The following AKAP7 variants were observed in gnomAD, a reference collection of about 807,000 sequenced individuals.
AKAP7 encodes the protein A-kinase anchoring protein 7, also known as A kinase (PRKA) anchor protein 7.
A neutral mutation model predicts 39.5 loss-of-function variants in AKAP7; 39 were observed. That is an observed-to-expected ratio of 0.99 (90% CI 0.76 to 1.29). The LOEUF is 1.29. AKAP7 is among the 50% of genes most tolerant of loss of function. The pLI is 0.00. For missense variants in AKAP7, 414 were observed against 407.7 expected, an observed-to-expected ratio of 1.02 and a Z score of -0.13; for synonymous variants, 140 against 139.1, an observed-to-expected ratio of 1.01 and a Z score of -0.05.
intron 7 of AKAP7, among the ~76,000 whole-genome samples, chr6:131,278,169 A>G (rs898047687): frequency 2.0e-5 from 3 of 152,222 alleles, no homozygotes; most frequent in African/African-American, 4.8e-5. Flanking sequence ...TTGGTGTCCT[A>G]TGTTAGCAGA....
intron 7 of AKAP7, among the ~76,000 whole-genome samples, chr6:131,263,762 A>G (rs1481369677): frequency 6.6e-6 from 1 of 152,132 alleles, no homozygotes; most frequent in Non-Finnish European, 1.5e-5. Flanking sequence ...AGAAGGGTGA[A>G]GGGTAGGTGA....
intron 6 of AKAP7, among the ~76,000 whole-genome samples, chr6:131,211,462 C>T (rs945277882): frequency 4.6e-5 from 7 of 152,066 alleles, no homozygotes; most frequent in Non-Finnish European, 1.5e-5. Context: ...ACTCTGAGTG[C>T]ATTAGGAAAT....
chr6:131,265,847 C>T (rs140101319), intron 7 of AKAP7, among the ~76,000 whole-genome samples: 1,945 of 152,262 alleles, frequency 0.013, 32 homozygotes, highest in Non-Finnish European at 0.019. Context: ...AGCTTTTTGA[C>T]TTCAATGTGT....
chr6:131,138,592 C>A lies in AKAP7; in HGVS notation c.19+2810C>A, dbSNP rs139973937. 7.9e-5 allele frequency among the ~76,000 whole-genome samples: 12 copies of A among 152,290 alleles called. No homozygotes were observed. The East Asian group carries it at 1.9e-3, about 24-fold the overall frequency. ...GATTGCTTTCTGAAAGGATTGCCTC[C>A]GTTTACATTGCTATAGTCAGTGTAT... On this transcript the variant is annotated intron_variant, in intron 1 of 7. Transcript: ENST00000431975.
chr6:131,181,906 T>G (rs1805293522), intron 5 of AKAP7, among the ~76,000 whole-genome samples: 1 of 151,998 alleles, frequency 6.6e-6, no homozygotes, highest in African/African-American at 2.4e-5. Flanking sequence ...GGTAGATCAC[T>G]TGAGGTTAGG....
intron 2 of AKAP7, among the ~76,000 whole-genome samples, chr6:131,157,145 CTAA>C (rs1802494265): frequency 6.6e-6 from 1 of 152,154 alleles, no homozygotes; most frequent in Admixed American, 6.5e-5. Context: ...TGAGTATTAT[CTAA>C]TAATTATAAT....
chr6:131,163,918 A>G (rs1419314122), intron 3 of AKAP7, among the ~76,000 whole-genome samples: 1 of 151,966 alleles, frequency 6.6e-6, no homozygotes, highest in Non-Finnish European at 1.5e-5. Context: ...CTACAAGGAC[A>G]GAGAGAGAAG....
chr6:131,184,229 T>G, intron 5 of AKAP7: 1 of 417,116 alleles, frequency 2.4e-6, no homozygotes, highest in Non-Finnish European at 4.6e-6. Context: ...TCTGGACTTG[T>G]GAAGGAGAGG....
chr6:131,188,306 C>T (rs1237556669), intron 5 of AKAP7, among the ~76,000 whole-genome samples: 1 of 152,086 alleles, frequency 6.6e-6, no homozygotes, highest in East Asian at 1.9e-4. Flanking sequence ...TACAGGAATG[C>T]TTTAAATGTT....
chr6:131,153,547 A>G (rs1282567441), intron 2 of AKAP7, among the ~76,000 whole-genome samples: 2 of 151,412 alleles, frequency 1.3e-5, no homozygotes, highest in Admixed American at 6.6e-5. Context: ...TTTTTTTTGC[A>G]AAATGGATTT....
At chr6:131,263,371 A>G (rs1246356760) in intron 7 of AKAP7, among the ~76,000 whole-genome samples, 1 of 152,110 alleles carries the variant, frequency 6.6e-6, no homozygotes, top group African/African-American at 2.4e-5. Flanking sequence ...GACTTCCAGC[A>G]TTTCTGGAGA....
At chr6:131,205,967 G>A (rs1033108061) in intron 6 of AKAP7, among the ~76,000 whole-genome samples, 5 of 152,112 alleles carry the variant, frequency 3.3e-5, no homozygotes, top group African/African-American at 1.2e-4. Flanking sequence ...CATGCTTTTT[G>A]TACGGTATCT....
intron 7 of AKAP7, among the ~76,000 whole-genome samples, chr6:131,241,375 G>A (rs979091474): frequency 6.6e-6 from 1 of 152,026 alleles, no homozygotes; most frequent in Non-Finnish European, 1.5e-5. Context: ...AAACAGAAGA[G>A]AACCCTAGGT....
intron 2 of AKAP7, among the ~76,000 whole-genome samples, chr6:131,153,729 G>A (rs1802148808): frequency 6.6e-6 from 1 of 152,070 alleles, no homozygotes; most frequent in South Asian, 2.1e-4. Flanking sequence ...ATTGGAGTGT[G>A]AGTAAAATAC....
At chr6:131,180,834 G>T (rs749880169) in intron 5 of AKAP7, among the ~76,000 whole-genome samples, 1,244 of 110,616 alleles carry the variant, frequency 0.011, 7 homozygotes, top group African/African-American at 0.016. Flanking sequence ...TGTTTGTTTT[G>T]TTTTTTTTTT....
At chr6:131,178,731 T>C (rs1238761385) in intron 5 of AKAP7, among the ~76,000 whole-genome samples, 3 of 152,186 alleles carry the variant, frequency 2.0e-5, no homozygotes, top group Non-Finnish European at 2.9e-5. Flanking sequence ...TCAGTTGTCC[T>C]ATCTCCTTCT....
chr6:131,212,258 G>A (rs528144819), intron 6 of AKAP7, among the ~76,000 whole-genome samples: 6 of 152,256 alleles, frequency 3.9e-5, no homozygotes, highest in South Asian at 2.1e-4. Flanking sequence ...GCAAGGTTCC[G>A]GTTGAATGTT....
intron 5 of AKAP7, among the ~76,000 whole-genome samples, chr6:131,185,677 C>T (rs756942733): frequency 1.3e-5 from 2 of 152,150 alleles, no homozygotes; most frequent in Non-Finnish European, 2.9e-5. Flanking sequence ...ACCAAGTTGT[C>T]TTTTGTTGTT....
intron 2 of AKAP7, among the ~76,000 whole-genome samples, chr6:131,152,065 A>G (rs1801965519): frequency 6.6e-6 from 1 of 151,764 alleles, no homozygotes; most frequent in African/African-American, 2.4e-5. Flanking sequence ...AAATACACGA[A>G]TCAGAGAGTT....
Sources: gnomAD v4.1 joint callset for allele counts (sites outside exome capture counted in the v4.1 genomes callset) on GRCh38, gnomAD v4.1.1 for gene constraint, MANE v1.5 for transcripts, NCBI Gene and HGNC (gene_info 2026-07-23, HGNC 2026-07-21) for gene names.